Variants in SUGCT observed in about 807,000 individuals in gnomAD.
The protein encoded by SUGCT is succinyl-CoA:glutarate-CoA transferase, also known as succinyl-CoA:glutarate CoA-transferase.
A neutral mutation model predicts 55.0 loss-of-function variants in SUGCT; 41 were observed. The ratio of observed to expected loss-of-function variants is 0.74; its 90% confidence interval spans 0.58 to 0.97. The LOEUF (loss-of-function observed/expected upper bound fraction) is 0.97. SUGCT is among the 50% of genes least tolerant of loss of function. The pLI, the probability that SUGCT is intolerant of heterozygous loss-of-function variation, is 0.00. For synonymous variants in SUGCT, 187 were observed against 200.4 expected (o/e 0.93, Z 0.56); for missense variants, 568 against 547.8 (o/e 1.04, Z -0.37).
chr7:40,380,154 C>A (rs954911066), intron 9 of SUGCT, among the ~76,000 whole-genome samples: 1 of 152,130 alleles, frequency 6.6e-6, no homozygotes, highest in Non-Finnish European at 1.5e-5. Context: ...GAGTTCCAAC[C>A]CAGTTCAGTG....
intron 12 of SUGCT, among the ~76,000 whole-genome samples, chr7:40,556,735 T>C (rs983984283): frequency 4.6e-5 from 7 of 152,220 alleles, no homozygotes; most frequent in Non-Finnish European, 1.0e-4. Flanking sequence ...TAGTACTTTA[T>C]ATGGGGTTAT....
chr7:41,017,019 C>A, the SUGCT span, among the ~76,000 whole-genome samples: 10 of 152,344 alleles, frequency 6.6e-5, no homozygotes, highest in East Asian at 1.9e-3. Flanking sequence ...GTTTGACATC[C>A]TTTTCCTTAG....
intron 12 of SUGCT, among the ~76,000 whole-genome samples, chr7:40,605,838 A>G (rs1248936623): frequency 6.6e-6 from 1 of 152,196 alleles, no homozygotes; most frequent in Non-Finnish European, 1.5e-5. Context: ...TGGGCGTGGC[A>G]GATAGTAGAT....
At chr7:40,896,880 C>G in the SUGCT span, among the ~76,000 whole-genome samples, 1 of 152,092 alleles carries the variant, frequency 6.6e-6, no homozygotes, top group Non-Finnish European at 1.5e-5. Flanking sequence ...TATGAAACCG[C>G]AAAAGTCCTC....
intron 9 of SUGCT, among the ~76,000 whole-genome samples, chr7:40,373,288 C>CTATAGATTCTAGAAAATTT (rs1339050371): frequency 1.1e-4 from 2 of 18,298 alleles, no homozygotes; most frequent in Non-Finnish European, 3.2e-4. Flanking sequence ...ATATAGAATT[C>CTATAGATTCTAGAAAATTT]AGAATCTATA....
chr7:40,330,605 G>A (rs966318065), intron 9 of SUGCT, among the ~76,000 whole-genome samples: 1 of 152,102 alleles, frequency 6.6e-6, no homozygotes, highest in African/African-American at 2.4e-5. Context: ...AACAAGGTTA[G>A]CAAACAAGTC....
Position 40,164,902 on chromosome 7 carries a change from A to G in SUGCT, c.101-16045A>G, listed in dbSNP as rs914668353. Among the ~76,000 whole-genome samples the G allele has an allele frequency of 9.9e-5, 15 of 152,228 alleles. 1 individual carries two copies. The East Asian group carries it at 1.4e-3, about 14-fold the overall frequency. On this transcript the variant is annotated intron_variant, in intron 1 of 13. Coordinates refer to ENST00000335693, the MANE Select transcript of SUGCT (RefSeq NM_001193313.2). ...AACAATTATTGCCTGCTGACTCCCA[A>G]ATTATTATTTCCCTGGAATGTCTTC... is the stretch of plus-strand genomic sequence containing the variant.
intron 9 of SUGCT, among the ~76,000 whole-genome samples, chr7:40,337,132 G>A (rs138362726): frequency 0.019 from 2,869 of 152,236 alleles, 85 homozygotes; most frequent in African/African-American, 0.066. Context: ...TATAATTTCT[G>A]TTCTTTTACA....
At chr7:40,676,456 G>A (rs902138390) in intron 12 of SUGCT, among the ~76,000 whole-genome samples, 4 of 151,272 alleles carry the variant, frequency 2.6e-5, no homozygotes, top group Admixed American at 2.0e-4. Context: ...GTTACTCATC[G>A]AAGCAGAGAC....
the SUGCT span, among the ~76,000 whole-genome samples, chr7:40,948,614 C>A: frequency 2.0e-5 from 3 of 151,996 alleles, no homozygotes; most frequent in African/African-American, 7.3e-5. Flanking sequence ...TTTCCCCCAC[C>A]CGCCGACAGG....
chr7:40,390,269 T>G (rs999492212), intron 9 of SUGCT, among the ~76,000 whole-genome samples: 4 of 152,184 alleles, frequency 2.6e-5, no homozygotes, highest in African/African-American at 9.7e-5. Flanking sequence ...AACATGGTGT[T>G]GGAAGTTCTG....
At chr7:40,456,795 A>C (rs1039788552) in intron 10 of SUGCT, among the ~76,000 whole-genome samples, 5 of 152,112 alleles carry the variant, frequency 3.3e-5, no homozygotes, top group African/African-American at 4.8e-5. Flanking sequence ...GCTGAAGTGG[A>C]ATAGACATGT....
intron 9 of SUGCT, among the ~76,000 whole-genome samples, chr7:40,443,832 C>G (rs574748179): frequency 1.1e-4 from 16 of 152,252 alleles, no homozygotes; most frequent in African/African-American, 3.4e-4. Context: ...CCTATGTTTT[C>G]TTCTAGGGTT....
chr7:40,829,666 T>C (rs918319218), intron 13 of SUGCT, among the ~76,000 whole-genome samples: 1 of 152,122 alleles, frequency 6.6e-6, no homozygotes, highest in Non-Finnish European at 1.5e-5. Flanking sequence ...TGGAGTGGCA[T>C]CTCCTTCCTC....
chr7:41,032,247 T>A, the SUGCT span, among the ~76,000 whole-genome samples: 1 of 152,182 alleles, frequency 6.6e-6, no homozygotes, highest in East Asian at 1.9e-4. Context: ...CTAGTACCCA[T>A]GTGCATCTTT....
At chr7:40,937,842 G>C in the SUGCT span, among the ~76,000 whole-genome samples, 3 of 152,118 alleles carry the variant, frequency 2.0e-5, no homozygotes, top group African/African-American at 7.2e-5. Flanking sequence ...TTTAGCACCA[G>C]GGACCAGTCC....
At chr7:40,898,489 G>T in the SUGCT span, among the ~76,000 whole-genome samples, 4 of 83,556 alleles carry the variant, frequency 4.8e-5, no homozygotes, top group African/African-American at 9.9e-5. Flanking sequence ...TCGGGGGGGG[G>T]GGGGGGGGTG....
At chr7:40,223,948 T>C (rs1033295279) in intron 6 of SUGCT, among the ~76,000 whole-genome samples, 1 of 152,336 alleles carries the variant, frequency 6.6e-6, no homozygotes, top group East Asian at 1.9e-4. Context: ...ATTTCTGTGT[T>C]CTTTGCCTAA....
intron 12 of SUGCT, among the ~76,000 whole-genome samples, chr7:40,685,985 T>C (rs538866961): frequency 6.6e-6 from 1 of 152,388 alleles, no homozygotes; most frequent in African/African-American, 2.4e-5. Context: ...GTTTTCTATC[T>C]CTTTTAGTTC....
Sources: gnomAD v4.1 joint callset for allele counts (sites outside exome capture counted in the v4.1 genomes callset) on GRCh38, gnomAD v4.1.1 for gene constraint, MANE v1.5 for transcripts, NCBI Gene and HGNC (gene_info 2026-07-23, HGNC 2026-07-21) for gene names.